The following DPP10 variants were observed in gnomAD, a reference collection of about 807,000 sequenced individuals.
The protein encoded by DPP10 is dipeptidyl peptidase like 10.
Under a neutral mutation model 120.9 loss-of-function variants are expected in DPP10, and 33 were observed. The ratio of observed to expected loss-of-function variants is 0.27; its 90% CI spans 0.21 to 0.37. The LOEUF is 0.37. DPP10 is among the 10% of genes least tolerant of loss of function. The pLI, the probability that DPP10 is intolerant of heterozygous loss-of-function variation, is 1.00. For missense variants in DPP10, 816 were observed against 942.8 expected (o/e 0.87, Z 1.76); for synonymous variants, 337 against 326.1 (o/e 1.03, Z -0.36).
chr2:114,488,633 G>A (rs1681721362), intron 1 of DPP10, among the ~76,000 whole-genome samples: 1 of 152,194 alleles, frequency 6.6e-6, no homozygotes, highest in African/African-American at 2.4e-5. Flanking sequence ...AGTGTATAGT[G>A]TTTTCTAAAT....
chr2:115,539,766 T>G (rs779585645), intron 5 of DPP10, among the ~76,000 whole-genome samples: 2 of 151,612 alleles, frequency 1.3e-5, no homozygotes, highest in Non-Finnish European at 2.9e-5. Flanking sequence ...GAATAACTTT[T>G]CAGAGAACCG....
intron 3 of DPP10, among the ~76,000 whole-genome samples, chr2:115,435,447 G>C (rs780838193): frequency 5.3e-5 from 8 of 151,744 alleles, no homozygotes; most frequent in Non-Finnish European, 1.0e-4. Context: ...CTGATGATTA[G>C]TGATGTTCAA....
At chr2:114,809,968 A>G (rs563129973) in intron 1 of DPP10, among the ~76,000 whole-genome samples, 43 of 152,240 alleles carry the variant, frequency 2.8e-4, no homozygotes, top group African/African-American at 8.9e-4. Context: ...CCAATTGTAT[A>G]TCCAGCCCCA....
At chr2:115,033,497 C>T (rs564924941) in intron 1 of DPP10, among the ~76,000 whole-genome samples, 1 of 152,214 alleles carries the variant, frequency 6.6e-6, no homozygotes, top group East Asian at 1.9e-4. Flanking sequence ...CAACTCCTTC[C>T]TCTGTGCCAA....
chr2:115,047,613 T>C (rs929596050), intron 1 of DPP10, among the ~76,000 whole-genome samples: 1 of 152,038 alleles, frequency 6.6e-6, no homozygotes, highest in Non-Finnish European at 1.5e-5. Flanking sequence ...CCAATGTGAA[T>C]TACGCAAGCA....
rs549783216 is a variant in DPP10 at position 114,728,757 on chromosome 2, T to C, written c.60+285919T>C. 7.2e-5 allele frequency among the ~76,000 whole-genome samples: 11 copies of C among 152,316 alleles called. No individual in the cohort carries two copies. In the South Asian group the frequency reaches 2.3e-3, roughly 32 times the overall value. Reference sequence around the variant, plus strand: ...GTCTATTATTCCATCTGAAGGAAAATACACATACAGTGTCTCATTCCGTAT... The same window carrying C: ...GTCTATTATTCCATCTGAAGGAAAACACACATACAGTGTCTCATTCCGTAT... On this transcript the variant is annotated intron_variant, in intron 1 of 25. Transcript: ENST00000410059.
intron 3 of DPP10, among the ~76,000 whole-genome samples, chr2:115,347,559 T>C (rs2063770701): frequency 6.6e-6 from 1 of 152,114 alleles, no homozygotes; most frequent in Non-Finnish European, 1.5e-5. Flanking sequence ...GGTATACATG[T>C]GCCATGGTGG....
At chr2:114,552,440 G>T (rs952171240) in intron 1 of DPP10, among the ~76,000 whole-genome samples, 1 of 152,230 alleles carries the variant, frequency 6.6e-6, no homozygotes, top group Admixed American at 6.5e-5. Context: ...AATTAGCACA[G>T]TGCCTGGCAC....
chr2:114,840,125 T>C (rs1263734398), intron 1 of DPP10, among the ~76,000 whole-genome samples: 1 of 152,188 alleles, frequency 6.6e-6, no homozygotes, highest in Non-Finnish European at 1.5e-5. Flanking sequence ...AGTAAATCAG[T>C]ATGCAGTATC....
intron 3 of DPP10, among the ~76,000 whole-genome samples, chr2:115,408,200 C>T (rs2068672652): frequency 6.6e-6 from 1 of 152,080 alleles, no homozygotes; most frequent in South Asian, 2.1e-4. Context: ...ATCTCCCCTG[C>T]TGTCAGTAAA....
intron 1 of DPP10, among the ~76,000 whole-genome samples, chr2:115,104,820 A>G (rs939984883): frequency 1.3e-5 from 2 of 152,148 alleles, no homozygotes; most frequent in Non-Finnish European, 2.9e-5. Flanking sequence ...ATCCTGGCCA[A>G]CATGGTGAAA....
intron 1 of DPP10, among the ~76,000 whole-genome samples, chr2:114,734,194 G>C (rs546984653): frequency 6.6e-6 from 1 of 152,106 alleles, no homozygotes; most frequent in Non-Finnish European, 1.5e-5. Context: ...ATTCTATAGA[G>C]AATTCCCTTT....
At chr2:115,480,340 C>A (rs2075353509) in intron 3 of DPP10, among the ~76,000 whole-genome samples, 1 of 151,832 alleles carries the variant, frequency 6.6e-6, no homozygotes, top group Admixed American at 6.6e-5. Flanking sequence ...AAGAAATGGC[C>A]CTTTCTTTTA....
At chr2:114,631,275 G>C (rs961424186) in intron 1 of DPP10, among the ~76,000 whole-genome samples, 1 of 151,946 alleles carries the variant, frequency 6.6e-6, no homozygotes, top group Non-Finnish European at 1.5e-5. Flanking sequence ...TGGAGTTTCC[G>C]ACAAACCCAC....
intron 1 of DPP10, among the ~76,000 whole-genome samples, chr2:114,682,527 G>A (rs1043185474): frequency 4.6e-5 from 7 of 151,640 alleles, no homozygotes; most frequent in African/African-American, 1.7e-4. Flanking sequence ...CATAGCTAGA[G>A]ATGTTGACCC....
At position 115,456,061 on chromosome 2, in the gene DPP10, C is replaced by G. The variant is rs544423263; in HGVS notation, c.272-43449C>G. ...CAGAATGGGAGAAAATTTTTGCAAT[C>G]TATCCATCTGACAAAGGGCTAATAT... On this transcript the variant is annotated intron_variant, in intron 3 of 25. Transcript: ENST00000410059. 2.9e-4 allele frequency among the ~76,000 whole-genome samples: 44 copies of G among 152,206 alleles called. 2 individuals carry two copies. The South Asian group carries it at 8.1e-3, about 28-fold the overall frequency.
intron 1 of DPP10, among the ~76,000 whole-genome samples, chr2:114,817,001 G>A (rs1438638972): frequency 6.6e-6 from 1 of 152,136 alleles, no homozygotes; most frequent in Non-Finnish European, 1.5e-5. Context: ...TATAAAACAA[G>A]CATACTGATA....
At chr2:114,919,715 A>T (rs1416210378) in intron 1 of DPP10, among the ~76,000 whole-genome samples, 1 of 152,238 alleles carries the variant, frequency 6.6e-6, no homozygotes, top group Non-Finnish European at 1.5e-5. Flanking sequence ...CTGGTCTTCA[A>T]TAACTATTAC....
intron 1 of DPP10, among the ~76,000 whole-genome samples, chr2:114,856,312 G>A (rs1277634534): frequency 2.0e-5 from 3 of 152,092 alleles, no homozygotes; most frequent in Non-Finnish European, 4.4e-5. Flanking sequence ...AAGTAGAAAT[G>A]TAAATGGAAA....
Sources: gnomAD v4.1 joint callset for allele counts (sites outside exome capture counted in the v4.1 genomes callset) on GRCh38, gnomAD v4.1.1 for gene constraint, MANE v1.5 for transcripts, NCBI Gene and HGNC (gene_info 2026-07-23, HGNC 2026-07-21) for gene names.